Variants in KIF26B observed in about 807,000 individuals in gnomAD.
KIF26B encodes the protein kinesin family member 26B.
KIF26B carries 63 observed loss-of-function variants against 151.2 expected under a neutral mutation model. The ratio of observed to expected loss-of-function variants is 0.42; its 90% CI spans 0.34 to 0.51. KIF26B has a LOEUF of 0.51. Among genes scored for constraint, KIF26B ranks in the 20% least tolerant of loss-of-function variants. KIF26B has a pLI of 0.07. For synonymous variants in KIF26B, 1,357 were observed against 1,262.1 expected (o/e 1.08, Z -1.59); for missense variants, 2,813 against 2,913.6 (o/e 0.97, Z 0.79).
chr1:245,603,028 C>T (rs1196203849), intron 6 of KIF26B, among the ~76,000 whole-genome samples: 1 of 151,624 alleles, frequency 6.6e-6, no homozygotes, highest in African/African-American at 2.4e-5. Context: ...AAGTGTGAGC[C>T]AGTCAGTGGA....
At chr1:245,640,143 C>CTCTCTCTCTCTCTCTCTATATATA in intron 9 of KIF26B, among the ~76,000 whole-genome samples, 5 of 31,934 alleles carry the variant, frequency 1.6e-4, no homozygotes, top group African/African-American at 4.2e-4. Context: ...CTCTCTCTCT[C>CTCTCTCTCTCTCTCTCTATATATA]TATATATATA....
chr1:245,620,162 T>G (rs2043642264), intron 9 of KIF26B, among the ~76,000 whole-genome samples: 1 of 152,142 alleles, frequency 6.6e-6, no homozygotes, highest in Non-Finnish European at 1.5e-5. Flanking sequence ...TGTATTTTTA[T>G]TCATTGATCT....
intron 2 of KIF26B, among the ~76,000 whole-genome samples, chr1:245,198,622 T>C (rs374535112): frequency 6.6e-6 from 1 of 151,476 alleles, no homozygotes; most frequent in African/African-American, 2.4e-5. Context: ...GTTGGGAGGC[T>C]GAGGCAGGAG....
intron 12 of KIF26B, among the ~76,000 whole-genome samples, chr1:245,692,181 T>G (rs182509657): frequency 6.6e-6 from 1 of 152,318 alleles, no homozygotes; most frequent in African/African-American, 2.4e-5. Flanking sequence ...ACCAGGTATC[T>G]TCTGTGCTCT....
At chr1:245,421,700 G>A (rs941173264) in intron 4 of KIF26B, among the ~76,000 whole-genome samples, 5 of 152,242 alleles carry the variant, frequency 3.3e-5, no homozygotes, top group Admixed American at 3.3e-4. Flanking sequence ...TTTGAAGCAG[G>A]AAGAAATAAG....
intron 2 of KIF26B, among the ~76,000 whole-genome samples, chr1:245,287,652 C>T (rs889948616): frequency 5.3e-5 from 8 of 151,952 alleles, no homozygotes; most frequent in Non-Finnish European, 1.0e-4. Context: ...TACAGGCATG[C>T]GTCACCACGC....
intron 4 of KIF26B, among the ~76,000 whole-genome samples, chr1:245,450,678 G>A (rs4658775): frequency 0.24 from 35,762 of 152,084 alleles, 4,356 homozygotes; most frequent in East Asian, 0.31. Flanking sequence ...GGCGTATTCT[G>A]TGGTAGGATT....
intron 2 of KIF26B, among the ~76,000 whole-genome samples, chr1:245,292,243 C>G (rs139203615): frequency 6.6e-6 from 1 of 152,142 alleles, no homozygotes; most frequent in Non-Finnish European, 1.5e-5. Flanking sequence ...GTGCAGTCTT[C>G]GAAACCCTCT....
At chr1:245,209,747 A>G (rs1669476477) in intron 2 of KIF26B, among the ~76,000 whole-genome samples, 1 of 152,232 alleles carries the variant, frequency 6.6e-6, no homozygotes. Context: ...AGCATTTGGT[A>G]TGTGCAAGGA....
At chr1:245,651,773 C>A (rs554364836) in intron 10 of KIF26B, among the ~76,000 whole-genome samples, 1 of 152,134 alleles carries the variant, frequency 6.6e-6, no homozygotes, top group African/African-American at 2.4e-5. Flanking sequence ...CTAGCCTGTG[C>A]GCTCCTTATG....
chr1:245,544,353 C>T (rs2103105053), intron 5 of KIF26B, among the ~76,000 whole-genome samples: 1 of 152,262 alleles, frequency 6.6e-6, no homozygotes. Context: ...GACCTGGAGT[C>T]TCCTAGAGTG....
chr1:245,519,329 G>A (rs184971464), intron 4 of KIF26B, among the ~76,000 whole-genome samples: 46 of 152,212 alleles, frequency 3.0e-4, no homozygotes, highest in African/African-American at 9.9e-4. Context: ...TGAGGCAGGC[G>A]GATCACTTGA....
intron 14 of KIF26B, among the ~76,000 whole-genome samples, chr1:245,701,588 T>G (rs1259214311): frequency 6.6e-6 from 1 of 152,222 alleles, no homozygotes; most frequent in East Asian, 1.9e-4. Flanking sequence ...CCCCAGTGTT[T>G]CCATAGCACG....
chr1:245,428,791 C>G (rs1442299306), intron 4 of KIF26B, among the ~76,000 whole-genome samples: 1 of 152,124 alleles, frequency 6.6e-6, no homozygotes, highest in Non-Finnish European at 1.5e-5. Flanking sequence ...CTCCCAACAT[C>G]TGGGAATCAT....
chr1:245,648,051 G>T (rs2043972343), intron 10 of KIF26B, among the ~76,000 whole-genome samples: 1 of 152,192 alleles, frequency 6.6e-6, no homozygotes, highest in Non-Finnish European at 1.5e-5. Context: ...GAGATGAAGG[G>T]AAGAGTACTA....
chr1:245,550,757 T>C (rs1418485307), intron 5 of KIF26B, among the ~76,000 whole-genome samples: 2 of 152,242 alleles, frequency 1.3e-5, no homozygotes, highest in Non-Finnish European at 1.5e-5. Context: ...TGTAAACTCC[T>C]CACTCACTGA....
At chr1:245,507,763 G>T (rs1445675184) in intron 4 of KIF26B, among the ~76,000 whole-genome samples, 1 of 152,184 alleles carries the variant, frequency 6.6e-6, no homozygotes, top group Admixed American at 6.5e-5. Flanking sequence ...TCTGGTTAGG[G>T]ATTCCCAGCT....
At chr1:245,266,656 AC>A (rs1192853867) in intron 2 of KIF26B, among the ~76,000 whole-genome samples, 1 of 152,022 alleles carries the variant, frequency 6.6e-6, no homozygotes, top group Non-Finnish European at 1.5e-5. Context: ...ACAGGCGCCT[AC>A]CACCACGCCC....
At chr1:245,245,047 A>T (rs559761450) in intron 2 of KIF26B, among the ~76,000 whole-genome samples, 1 of 151,610 alleles carries the variant, frequency 6.6e-6, no homozygotes, top group Middle Eastern at 3.4e-3. Context: ...AAGCTGTAGA[A>T]CTCCATGCAG....
Sources: gnomAD v4.1 joint callset for allele counts (sites outside exome capture counted in the v4.1 genomes callset) on GRCh38, gnomAD v4.1.1 for gene constraint, MANE v1.5 for transcripts, NCBI Gene and HGNC (gene_info 2026-07-23, HGNC 2026-07-21) for gene names.